Variants in DBF4 observed in about 807,000 individuals in gnomAD.
DBF4 encodes DBF4-CDC7 kinase regulatory subunit, also known as protein DBF4 homolog A.
Under a neutral mutation model 76.6 loss-of-function variants are expected in DBF4, and 25 were observed. The observed-to-expected ratio is 0.33, with a 90% CI of 0.24 to 0.46. The LOEUF is 0.46. Among genes scored for constraint, DBF4 ranks in the 20% least tolerant of loss-of-function variants. The pLI, the probability that DBF4 is intolerant of heterozygous loss-of-function variation, is 1.00. For synonymous variants in DBF4, 213 were observed against 258.0 expected (o/e 0.83, Z 1.67); for missense variants, 638 against 760.8 (o/e 0.84, Z 1.90).
intron 11 of DBF4, among the ~76,000 whole-genome samples, chr7:87,906,581 A>G (rs984774654): frequency 6.6e-6 from 1 of 152,202 alleles, no homozygotes; most frequent in African/African-American, 2.4e-5. Flanking sequence ...CTCCATGAAG[A>G]AAATAATTTT....
chr7:87,881,455 A>G (rs1279018918), intron 2 of DBF4, among the ~76,000 whole-genome samples: 4 of 152,180 alleles, frequency 2.6e-5, no homozygotes, highest in East Asian at 1.9e-4. Context: ...TCCCATCCTC[A>G]TGTTCTAACC....
chr7:87,885,324 G>T, intron 3 of DBF4, 166 bp downstream of exon 3: 1 of 528,824 alleles, frequency 1.9e-6, no homozygotes, highest in Non-Finnish European at 3.3e-6. Flanking sequence ...TTAGGAAGGT[G>T]GGTTTTTCCT....
At chr7:87,876,911 A>G (rs1839065170) in intron 1 of DBF4, 133 bp downstream of exon 1, 1 of 946,912 alleles carries the variant, frequency 1.1e-6, no homozygotes, top group African/African-American at 1.6e-5. Flanking sequence ...GGTCTGAAGG[A>G]AGGAGCCCCC....
chr7:87,899,664 TAC>T (rs920940399), intron 8 of DBF4, among the ~76,000 whole-genome samples: 2 of 152,210 alleles, frequency 1.3e-5, no homozygotes, highest in Non-Finnish European at 2.9e-5. Flanking sequence ...GATGTGTGTG[TAC>T]ACACACTCAA....
At position 87,904,558 on chromosome 7, in the gene DBF4, G is replaced by T. The variant is rs555834950; in HGVS notation, c.1049+142G>T. On this transcript the variant is annotated intron_variant, in intron 11 of 11. Transcript: ENST00000265728. ...AGTTCGAGACCAGCCTAGCCAACAT[G>T]GCAAAACCCCATCTCTACTAAAAAA... 7 of 988,608 alleles carry T rather than the reference G, an allele frequency of 7.1e-6. No homozygotes were observed. The African/African-American group carries it at 8.6e-5, about 12-fold the overall frequency. 61.2% of individuals were successfully genotyped at this position (988,608 alleles called of 1,614,324 possible).
chr7:87,886,604 T>C (rs971081735), intron 3 of DBF4, among the ~76,000 whole-genome samples: 7 of 151,686 alleles, frequency 4.6e-5, no homozygotes, highest in Non-Finnish European at 1.0e-4. Flanking sequence ...ATTGTTTTTC[T>C]GAAATCTCTG....
At chr7:87,904,498 G>A in intron 11 of DBF4, 82 bp downstream of exon 11, 1 of 1,472,246 alleles carries the variant, frequency 6.8e-7, no homozygotes. Flanking sequence ...CCAGCACTTT[G>A]GGAGGCTGAG....
intron 6 of DBF4, among the ~76,000 whole-genome samples, chr7:87,892,571 A>G (rs1839520759): frequency 1.3e-5 from 2 of 152,164 alleles, no homozygotes; most frequent in African/African-American, 2.4e-5. Flanking sequence ...TTTTGTGGAC[A>G]TATTGTCAAC....
intron 8 of DBF4, among the ~76,000 whole-genome samples, chr7:87,899,919 T>TA (rs1333843156): frequency 6.6e-6 from 1 of 152,146 alleles, no homozygotes; most frequent in African/African-American, 2.4e-5. Flanking sequence ...AAGATGAAAA[T>TA]ACGTCATCTT....
intron 6 of DBF4, chr7:87,888,494 C>A (rs1839414928): frequency 5.4e-6 from 1 of 184,694 alleles, no homozygotes; most frequent in Admixed American, 6.5e-5. Context: ...GTTAAACAAC[C>A]ACATTGGTTG....
At chr7:87,894,235 C>T (rs1176518686) in intron 6 of DBF4, among the ~76,000 whole-genome samples, 1 of 152,172 alleles carries the variant, frequency 6.6e-6, no homozygotes, top group East Asian at 1.9e-4. Context: ...GTGGGTGGAT[C>T]ACTTTAGCTC....
rs1479044917 is a variant in DBF4, at chr7:87,888,025, T to C, written c.563T>C (p.Leu188Ser). The change falls in exon 6 of 12, where the codon TTA becomes TCA. Residue 188 changes from leucine (L) to serine (S), a missense_variant. Physicochemically the swap from Leu to Ser is moderately radical, Grantham distance 145. Coordinates refer to ENST00000265728, the MANE Select transcript of DBF4 (RefSeq NM_006716.4). The stretch of plus-strand genomic sequence containing the variant: ...GAACAAAAGAAAAAAGAGTTGTATT[T>C]ACTCAAGAAATCAAGTACTTCAGTA... ...YIEQKKKELYLLKKSSTSVRD... is the reference protein window; with the variant it reads ...YIEQKKKELYSLKKSSTSVRD... The C allele has an allele frequency of 5.8e-6, 9 of 1,561,730 alleles. No individual in the cohort carries two copies. The highest frequency in any genetic ancestry group is 7.8e-6 in the Non-Finnish European group (9 of 1,156,530).
intron 6 of DBF4, among the ~76,000 whole-genome samples, chr7:87,894,970 C>T (rs1399206553): frequency 6.6e-6 from 1 of 152,052 alleles, no homozygotes; most frequent in Admixed American, 6.6e-5. Flanking sequence ...CTAGTCTCTC[C>T]CCTCTTTTTC....
At position 87,884,474 on chromosome 7, in the gene DBF4, A is replaced by G. The variant is rs560877437; in HGVS notation, c.220-505A>G. Among the ~76,000 whole-genome samples, 15 of 152,354 alleles carry G rather than the reference A, an allele frequency of 9.8e-5. 1 individual carries two copies. The highest frequency in any genetic ancestry group is 3.1e-4 in the African/African-American group (13 of 41,588). On this transcript the variant is annotated intron_variant, in intron 2 of 11. Transcript: ENST00000265728. ...ATCATGGGCTTGAGTCAGAATGCCT[A>G]TGTTCAAATTATATTATTTGCTACT...
intron 9 of DBF4, 65 bp downstream of exon 9, chr7:87,900,414 GA>G: frequency 6.7e-7 from 1 of 1,502,412 alleles, no homozygotes; most frequent in Non-Finnish European, 9.0e-7. Context: ...TCTTTGTAAA[GA>G]TTTGAAATAG....
chr7:87,908,100 T>C lies in DBF4; in HGVS notation c.1962T>C (p.Asn654=), dbSNP rs1468155263. 4.3e-6 allele frequency: 7 copies of C among 1,610,372 alleles called. No homozygotes were observed. The East Asian group carries it at 1.3e-4, about 31-fold the overall frequency. Residue 654 remains asparagine, a synonymous_variant, in exon 12 of 12, where the codon AAT becomes AAC. Coordinates refer to ENST00000265728, the MANE Select transcript of DBF4 (RefSeq NM_006716.4). ...TTTTAGATATTTGGGAAGAGGAAAATTCAGATAATCTGTTAACAGCGTTTT... is the reference window on the plus strand; with the variant it reads ...TTTTAGATATTTGGGAAGAGGAAAACTCAGATAATCTGTTAACAGCGTTTT... ...CNVLDIWEEE[N]SDNLLTAFFS...
At chr7:87,892,239 G>GT (rs899341852) in intron 6 of DBF4, among the ~76,000 whole-genome samples, 1 of 152,074 alleles carries the variant, frequency 6.6e-6, no homozygotes, top group Admixed American at 6.5e-5. Flanking sequence ...AAAATCTTCC[G>GT]TGTTTATCCC....
rs1331964244 is a variant in DBF4 at position 87,900,853 on chromosome 7, T to G, written c.899T>G (p.Leu300Trp). The G allele has an allele frequency of 6.2e-7, 1 of 1,613,080 alleles. No individual in the cohort carries two copies. The highest frequency in any genetic ancestry group is 8.5e-7 in the Non-Finnish European group (1 of 1,179,450). ...AAAAAAGGATATTGTGAATGTTGCT[T>G]GCAGAAATATGAAGATCTAGAAACT... ...KKKKGYCECC[L>W]QKYEDLETHL... The change falls in exon 10 of 12, where the codon TTG (leucine) becomes TGG (tryptophan). Residue 300 changes from leucine to tryptophan, a missense_variant. Transcript: ENST00000265728.
chr7:87,898,137 AT>A (rs764925266), intron 8 of DBF4, among the ~76,000 whole-genome samples: 43 of 152,320 alleles, frequency 2.8e-4, no homozygotes, highest in Middle Eastern at 3.4e-3. Flanking sequence ...AGAGAATTAG[AT>A]TACTTTCTTT....
Sources: gnomAD v4.1 joint callset for allele counts (sites outside exome capture counted in the v4.1 genomes callset) on GRCh38, gnomAD v4.1.1 for gene constraint, MANE v1.5 for transcripts, NCBI Gene and HGNC (gene_info 2026-07-23, HGNC 2026-07-21) for gene names.